Variants in PLXDC2 observed in about 807,000 individuals in gnomAD.
PLXDC2 encodes the protein plexin domain-containing protein 2.
A neutral mutation model predicts 68.9 loss-of-function variants in PLXDC2; 40 were observed. That is an observed-to-expected ratio of 0.58 (90% CI 0.45 to 0.76). PLXDC2 has a LOEUF of 0.76. PLXDC2 is among the 30% of genes least tolerant of loss of function. PLXDC2 has a pLI of 0.00. For missense variants in PLXDC2, 644 were observed against 661.9 expected (o/e 0.97, Z 0.30); for synonymous variants, 243 against 234.2 (o/e 1.04, Z -0.34).
intron 2 of PLXDC2, among the ~76,000 whole-genome samples, chr10:20,009,202 C>T (rs968141150): frequency 6.6e-6 from 1 of 152,154 alleles, no homozygotes; most frequent in African/African-American, 2.4e-5. Flanking sequence ...CAGAATGCTG[C>T]TATGCTGGTT....
chr10:19,829,407 A>G (rs978391343), intron 1 of PLXDC2, among the ~76,000 whole-genome samples: 13 of 152,120 alleles, frequency 8.5e-5, no homozygotes, highest in Non-Finnish European at 4.4e-5. Flanking sequence ...TTTATCACTC[A>G]TGCAAAGAGT....
At chr10:20,018,182 A>G (rs150055677) in intron 2 of PLXDC2, among the ~76,000 whole-genome samples, 5 of 152,332 alleles carry the variant, frequency 3.3e-5, no homozygotes, top group African/African-American at 1.2e-4. Flanking sequence ...TTGCTAGTGT[A>G]CACCATGCAA....
chr10:19,950,644 A>G (rs1448783023), intron 1 of PLXDC2, among the ~76,000 whole-genome samples: 1 of 152,258 alleles, frequency 6.6e-6, no homozygotes, highest in Non-Finnish European at 1.5e-5. Context: ...GAATTAGAAC[A>G]AAACTATGCA....
At chr10:20,192,958 G>T (rs1222786279) in intron 9 of PLXDC2, among the ~76,000 whole-genome samples, 2 of 152,034 alleles carry the variant, frequency 1.3e-5, no homozygotes, top group Non-Finnish European at 2.9e-5. Flanking sequence ...TACACCACAT[G>T]TCTTAGGTTT....
At chr10:19,965,651 G>A (rs1037125607) in intron 1 of PLXDC2, among the ~76,000 whole-genome samples, 3 of 149,912 alleles carry the variant, frequency 2.0e-5, no homozygotes, top group Middle Eastern at 3.4e-3. Context: ...GAAGCTTATT[G>A]TTGCATGTAC....
At chr10:19,958,488 C>T (rs182107618) in intron 1 of PLXDC2, among the ~76,000 whole-genome samples, 7 of 152,254 alleles carry the variant, frequency 4.6e-5, no homozygotes, top group South Asian at 2.1e-4. Flanking sequence ...GGAAAACTGA[C>T]GTATCCCCTT....
intron 1 of PLXDC2, among the ~76,000 whole-genome samples, chr10:19,960,042 A>G: frequency 6.6e-6 from 1 of 152,062 alleles, no homozygotes; most frequent in Non-Finnish European, 1.5e-5. Context: ...ATGGAAAGGG[A>G]AATCTGGAGA....
chr10:19,998,243 G>A (rs1002733819), intron 1 of PLXDC2, among the ~76,000 whole-genome samples: 1 of 152,172 alleles, frequency 6.6e-6, no homozygotes, highest in Non-Finnish European at 1.5e-5. Context: ...TAAAACATTT[G>A]TATGAGTTTG....
intron 13 of PLXDC2, among the ~76,000 whole-genome samples, chr10:20,277,447 A>G (rs1836024048): frequency 6.6e-6 from 1 of 152,136 alleles, no homozygotes; most frequent in South Asian, 2.1e-4. Flanking sequence ...TTTAAAGGCA[A>G]TTATCTCAGG....
chr10:20,113,030 C>A (rs1326966376), intron 4 of PLXDC2, among the ~76,000 whole-genome samples: 4 of 152,168 alleles, frequency 2.6e-5, no homozygotes, highest in African/African-American at 7.2e-5. Context: ...GATGCAAATT[C>A]AGTTTCATGG....
At chr10:20,184,001 G>A (rs1356863651) in intron 9 of PLXDC2, among the ~76,000 whole-genome samples, 1 of 151,432 alleles carries the variant, frequency 6.6e-6, no homozygotes, top group Non-Finnish European at 1.5e-5. Context: ...ATAAATAAAA[G>A]TATTCCATGA....
At chr10:20,194,729 G>A in intron 9 of PLXDC2, among the ~76,000 whole-genome samples, 1 of 151,502 alleles carries the variant, frequency 6.6e-6, no homozygotes, top group Non-Finnish European at 1.5e-5. Flanking sequence ...TTGGTGTGCT[G>A]CACCCATTTA....
At chr10:20,127,811 A>T (rs1418836175) in intron 4 of PLXDC2, among the ~76,000 whole-genome samples, 3 of 152,142 alleles carry the variant, frequency 2.0e-5, no homozygotes, top group Non-Finnish European at 4.4e-5. Context: ...GCAACATAGC[A>T]AGACCCCATC....
intron 1 of PLXDC2, among the ~76,000 whole-genome samples, chr10:19,868,073 G>A (rs1314816126): frequency 6.6e-6 from 1 of 152,148 alleles, no homozygotes; most frequent in East Asian, 1.9e-4. Context: ...GCTTTGTAAT[G>A]TTTTTATTTA....
At chr10:20,226,402 C>A (rs1835287885) in intron 12 of PLXDC2, among the ~76,000 whole-genome samples, 1 of 152,198 alleles carries the variant, frequency 6.6e-6, no homozygotes, top group Non-Finnish European at 1.5e-5. Context: ...AAATATTGGA[C>A]ACCCCTGATT....
chr10:20,044,965 A>G (rs1471977400), intron 2 of PLXDC2, among the ~76,000 whole-genome samples: 1 of 152,180 alleles, frequency 6.6e-6, no homozygotes, highest in Non-Finnish European at 1.5e-5. Context: ...ACCCTCAGAC[A>G]ACCCAAACTA....
At chr10:19,981,306 A>G (rs1368571815) in intron 1 of PLXDC2, among the ~76,000 whole-genome samples, 5 of 152,226 alleles carry the variant, frequency 3.3e-5, no homozygotes, top group Non-Finnish European at 7.3e-5. Context: ...TCTGTTTCAC[A>G]TCCTAGACCT....
chr10:19,928,935 A>G (rs1480039965), intron 1 of PLXDC2, among the ~76,000 whole-genome samples: 1 of 151,392 alleles, frequency 6.6e-6, no homozygotes, highest in Non-Finnish European at 1.5e-5. Flanking sequence ...TTGTGTTTTT[A>G]GTAGAGATGG....
rs561678559 is a variant in PLXDC2, at chr10:20,258,094, C to T, written c.1473+12589C>T. 1.2e-3 allele frequency among the ~76,000 whole-genome samples: 180 copies of T among 149,866 alleles called. 1 individual carries two copies. Among genetic ancestry groups the T allele is most frequent in the African/African-American group, 3.9e-3 (158 of 40,694 alleles). ...TTGGCTCACTGCAACCTCCGCCTCC[C>T]GAGTTCAAGCAATTCTCCTGCCTCC... On this transcript the variant is annotated intron_variant, in intron 13 of 13. Coordinates refer to ENST00000377252, the MANE Select transcript of PLXDC2 (RefSeq NM_032812.9).
Sources: gnomAD v4.1 joint callset for allele counts (sites outside exome capture counted in the v4.1 genomes callset) on GRCh38, gnomAD v4.1.1 for gene constraint, MANE v1.5 for transcripts, NCBI Gene and HGNC (gene_info 2026-07-23, HGNC 2026-07-21) for gene names.